The following CHAT variants were observed in gnomAD, a reference collection of about 807,000 sequenced individuals.
CHAT encodes the protein choline O-acetyltransferase, also known as acetyl CoA:choline O-acetyltransferase.
CHAT carries 61 observed loss-of-function variants against 76.9 expected under a neutral mutation model. That is an observed-to-expected ratio of 0.79 (90% CI 0.65 to 0.98). The LOEUF (loss-of-function observed/expected upper bound fraction) is 0.98. CHAT is among the 50% of genes least tolerant of loss of function. The probability of loss-of-function intolerance (pLI) is 0.00; values close to 1 mark genes in which losing one functional copy is unlikely to be tolerated. For synonymous variants in CHAT, 407 were observed against 397.4 expected, an observed-to-expected ratio of 1.02 and a Z score of -0.29; for missense variants, 946 against 986.9, an observed-to-expected ratio of 0.96 and a Z score of 0.56.
chr10:49,640,827 C>A (rs549451599), intron 7 of CHAT, among the ~76,000 whole-genome samples: 2 of 152,256 alleles, frequency 1.3e-5, no homozygotes, highest in African/African-American at 4.8e-5. Context: ...AGAGAGCAGG[C>A]TTTTGTTGAT....
At chr10:49,610,883 T>C, upstream of CHAT, 3 of 1,613,378 alleles carry the variant, frequency 1.9e-6, no homozygotes, top group Non-Finnish European at 1.7e-6. Flanking sequence ...CTGGACAACA[T>C]GCTGTACATG....
At chr10:49,621,967 G>A in intron 4 of CHAT, 130 bp from the exon 5 acceptor site, 1 of 926,412 alleles carries the variant, frequency 1.1e-6, no homozygotes, top group African/African-American at 1.6e-5. Context: ...GAGGGAGGAG[G>A]GAGGGAGAAG....
chr10:49,644,899 G>A (rs1489885253), intron 7 of CHAT, among the ~76,000 whole-genome samples: 8 of 152,210 alleles, frequency 5.3e-5, no homozygotes, highest in Non-Finnish European at 1.2e-4. Context: ...ACCCTGGGAA[G>A]GGGAGCTGTC....
intron 6 of CHAT, 122 bp downstream of exon 6, chr10:49,625,775 A>G: frequency 1.9e-6 from 2 of 1,074,180 alleles, no homozygotes; most frequent in East Asian, 5.2e-5. Context: ...GAGCTGGGGC[A>G]CCATGTCTCC....
intron 7 of CHAT, among the ~76,000 whole-genome samples, chr10:49,631,781 A>G (rs1839130295): frequency 6.6e-6 from 1 of 152,102 alleles, no homozygotes; most frequent in Admixed American, 6.5e-5. Flanking sequence ...GAGACTGTCA[A>G]AGGTGTGGAG....
At chr10:49,617,050 C>T (rs541829983) in intron 2 of CHAT, among the ~76,000 whole-genome samples, 1 of 152,292 alleles carries the variant, frequency 6.6e-6, no homozygotes, top group East Asian at 1.9e-4. Context: ...ACAATGCCAT[C>T]CTCCCTGGGC....
At position 49,619,883 on chromosome 10, in the gene CHAT, A is replaced by G; in HGVS notation, c.546A>G (p.Lys182=). 1.2e-6 allele frequency: 2 copies of G among 1,612,552 alleles called. No individual in the cohort carries two copies. Among genetic ancestry groups the G allele is most frequent in the Non-Finnish European group, 8.5e-7 (1 of 1,179,670 alleles). ...PGGLGETLQQ[K]LLERQEKTAN... ...GCCTCGGCGAGACCCTGCAGCAGAA[A>G]CTCCTGGAGCGGCAGGAGAAGACAG... is the stretch of plus-strand genomic sequence containing the variant. Residue 182 remains lysine, a synonymous_variant, in exon 3 of 15, where the codon AAA becomes AAG. Coordinates refer to ENST00000337653, the MANE Select transcript of CHAT (RefSeq NM_020549.5).
At chr10:49,649,274 G>A (rs898359182) in intron 9 of CHAT, among the ~76,000 whole-genome samples, 2 of 152,192 alleles carry the variant, frequency 1.3e-5, no homozygotes, top group Non-Finnish European at 1.5e-5. Flanking sequence ...AGAAATAATG[G>A]GTTTTGGAGT....
intron 4 of CHAT, 64 bp from the exon 5 acceptor site, chr10:49,622,033 G>A (rs1838742058): frequency 4.0e-6 from 6 of 1,511,482 alleles, no homozygotes; most frequent in East Asian, 2.3e-5. Context: ...GAGGCAGAAG[G>A]GAGGGAGGGA....
intron 11 of CHAT, among the ~76,000 whole-genome samples, chr10:49,654,594 G>T (rs1839976400): frequency 6.6e-6 from 1 of 152,228 alleles, no homozygotes; most frequent in Non-Finnish European, 1.5e-5. Context: ...GTGCCCATGG[G>T]TCTGTCAGAA....
At chr10:49,610,581 C>A, upstream of CHAT, 1 of 633,420 alleles carries the variant, frequency 1.6e-6, no homozygotes, top group Non-Finnish European at 2.5e-6. Context: ...CTTTCCTTTC[C>A]CGGGACGCTG....
At chr10:49,614,014 G>A, upstream of CHAT, 1 of 1,190,824 alleles carries the variant, frequency 8.4e-7, no homozygotes, top group Non-Finnish European at 1.2e-6. Context: ...GAATAATGGG[G>A]TTGGGGAAGT....
rs1274962675 is a variant in CHAT at position 49,648,596 on chromosome 10, G to A, written c.1371G>A (p.Leu457=). The A allele has an allele frequency of 1.2e-6, 2 of 1,612,396 alleles. No individual in the cohort carries two copies. Among genetic ancestry groups the A allele is most frequent in the South Asian group, 1.1e-5 (1 of 90,876 alleles). Reference sequence around the variant, plus strand: ...TCCTGGTGCAGTGCACTGAGCATCTGCTCAAGCACGTGTGAGTCTGGATCC... The same window carrying A: ...TCCTGGTGCAGTGCACTGAGCATCTACTCAAGCACGTGTGAGTCTGGATCC... ...GIVLVQCTEH[L]LKHVTQSSRK... The change falls in exon 9 of 15, where the codon CTG becomes CTA. Residue 457 remains leucine, a synonymous_variant. Coordinates refer to ENST00000337653, the MANE Select transcript of CHAT (RefSeq NM_020549.5).
At chr10:49,625,349 T>C (rs956367644) in intron 5 of CHAT, 124 bp from the exon 6 acceptor site, 2 of 838,680 alleles carry the variant, frequency 2.4e-6, no homozygotes, top group Admixed American at 2.0e-5. Context: ...TCTGCCATGA[T>C]GATGCAGTTC....
upstream of CHAT, chr10:49,612,373 C>T (rs1480972229): frequency 3.2e-6 from 5 of 1,553,394 alleles, no homozygotes; most frequent in South Asian, 2.5e-5. Context: ...ACCCAACCGC[C>T]TTGGGTCAAG....
intron 6 of CHAT, 78 bp downstream of exon 6, chr10:49,625,731 AG>A: frequency 1.4e-6 from 2 of 1,436,714 alleles, no homozygotes. Context: ...ACCTTCTCCG[AG>A]GGGGCTCAGC....
intron 2 of CHAT, among the ~76,000 whole-genome samples, chr10:49,617,164 C>T (rs1457496632): frequency 6.6e-6 from 1 of 151,952 alleles, no homozygotes; most frequent in African/African-American, 2.4e-5. Context: ...GTCTTTTTGC[C>T]ACTCCTCTTC....
rs1840360166 is a variant in CHAT, at chr10:49,667,322, T to C, written c.*2276T>C. ...TGGGATGACATTACCCCAGTGGGCA[T>C]TGTTTGGGTGGTTTTCTTTTAAACT... On this transcript the variant is annotated 3_prime_UTR_variant, in exon 15 of 15. Coordinates refer to ENST00000337653, the MANE Select transcript of CHAT (RefSeq NM_020549.5). Among the ~76,000 whole-genome samples, 1 of 152,162 alleles carries C rather than the reference T, an allele frequency of 6.6e-6. No homozygotes were observed. The highest frequency in any genetic ancestry group is 2.4e-5 in the African/African-American group (1 of 41,428).
chr10:49,636,408 C>A (rs1022494787), intron 7 of CHAT, among the ~76,000 whole-genome samples: 1 of 152,084 alleles, frequency 6.6e-6, no homozygotes, highest in African/African-American at 2.4e-5. Flanking sequence ...TTAATTCTAC[C>A]TGCTAATATG....
Sources: gnomAD v4.1 joint callset for allele counts (sites outside exome capture counted in the v4.1 genomes callset) on GRCh38, gnomAD v4.1.1 for gene constraint, MANE v1.5 for transcripts, NCBI Gene and HGNC (gene_info 2026-07-23, HGNC 2026-07-21) for gene names.